UCHL3: variants seen among roughly 807,000 people sequenced by gnomAD.
The protein encoded by UCHL3 is ubiquitin carboxyl-terminal hydrolase isozyme L3.
UCHL3 carries 22 observed loss-of-function variants against 35.8 expected under a neutral mutation model. The observed-to-expected ratio is 0.61, with a 90% CI of 0.44 to 0.88. The LOEUF is 0.88. Ranked by LOEUF, UCHL3 falls within the 40% of genes least tolerant of loss-of-function variation. The probability of loss-of-function intolerance (pLI) is 0.00; values close to 1 mark genes in which losing one functional copy is unlikely to be tolerated. For synonymous variants in UCHL3, 90 were observed against 92.8 expected, an observed-to-expected ratio of 0.97 and a Z score of 0.17; for missense variants, 229 against 276.9, an observed-to-expected ratio of 0.83 and a Z score of 1.23.
chr13:75,599,134 A>ATTTT (rs35853503), intron 7 of UCHL3, among the ~76,000 whole-genome samples: 1 of 127,954 alleles, frequency 7.8e-6, no homozygotes, highest in Admixed American at 8.1e-5. Flanking sequence ...ATGCCTGGCT[A>ATTTT]TTTTTTTTTT....
At chr13:75,559,668 C>G (rs1043501514) in intron 2 of UCHL3, among the ~76,000 whole-genome samples, 1 of 152,154 alleles carries the variant, frequency 6.6e-6, no homozygotes, top group South Asian at 2.1e-4. Context: ...TACATGTGAT[C>G]ATTCTTCAGG....
chr13:75,555,374 T>C (rs1453999518), intron 2 of UCHL3, among the ~76,000 whole-genome samples: 3 of 152,216 alleles, frequency 2.0e-5, no homozygotes, highest in African/African-American at 7.2e-5. Flanking sequence ...TTGTTTATCA[T>C]GTGTATCTTA....
chr13:75,552,207 A>G (rs2138444751), intron 2 of UCHL3, among the ~76,000 whole-genome samples: 1 of 152,338 alleles, frequency 6.6e-6, no homozygotes, highest in Non-Finnish European at 1.5e-5. Flanking sequence ...AAACGGTTAT[A>G]ACTAAAAATT....
intron 6 of UCHL3, among the ~76,000 whole-genome samples, chr13:75,573,777 A>C (rs1312589341): frequency 1.3e-5 from 2 of 152,182 alleles, no homozygotes; most frequent in Non-Finnish European, 2.9e-5. Flanking sequence ...GTTGAAGGTT[A>C]GGGCTTCAAC....
chr13:75,583,233 C>T (rs79798506), intron 6 of UCHL3, among the ~76,000 whole-genome samples: 3,511 of 152,236 alleles, frequency 0.023, 66 homozygotes, highest in Non-Finnish European at 0.039. Flanking sequence ...TAAACAATTA[C>T]AATATATTGA....
At chr13:75,592,426 A>ATG (rs1566227854) in intron 6 of UCHL3, among the ~76,000 whole-genome samples, 35 of 71,322 alleles carry the variant, frequency 4.9e-4, no homozygotes, top group African/African-American at 1.9e-3. Context: ...ATATATATAT[A>ATG]TATATATATA....
intron 6 of UCHL3, among the ~76,000 whole-genome samples, chr13:75,588,519 G>A (rs923590870): frequency 4.6e-5 from 7 of 152,106 alleles, no homozygotes; most frequent in Non-Finnish European, 1.0e-4. Flanking sequence ...ATAGAATCAA[G>A]TATAGGATTC....
intron 6 of UCHL3, among the ~76,000 whole-genome samples, chr13:75,578,022 T>A (rs914716504): frequency 7.2e-5 from 11 of 152,314 alleles, no homozygotes; most frequent in African/African-American, 2.4e-4. Context: ...TTTCTGTTTT[T>A]AAATAAACAT....
chr13:75,598,243 C>T (rs2032694122), intron 7 of UCHL3, among the ~76,000 whole-genome samples: 2 of 152,204 alleles, frequency 1.3e-5, no homozygotes, highest in African/African-American at 2.4e-5. Flanking sequence ...ATTCATATTT[C>T]TGAGCCATTT....
rs1281834318 is a variant in UCHL3, at chr13:75,567,280, G to A, written c.394G>A (p.Glu132Lys). Residue 132 changes from glutamate (E) to lysine (K), a missense_variant, in exon 5 of 9, where the codon GAA (glutamate) becomes AAA (lysine). Transcript: ENST00000377595. ...GGAGGAATCTGTGTCAATGAGCCCT[G>A]AAGAACGAGCCAGATACCTGGAGAA... Reference protein sequence around the residue: ...FLEESVSMSPEERARYLENYD... With the variant: ...FLEESVSMSPKERARYLENYD... 1 of 1,614,148 alleles carries A rather than the reference G, an allele frequency of 6.2e-7. No homozygotes were observed. Among genetic ancestry groups the A allele is most frequent in the East Asian group, 2.2e-5 (1 of 44,870 alleles).
At chr13:75,556,073 A>T (rs1024582395) in intron 2 of UCHL3, among the ~76,000 whole-genome samples, 2 of 152,154 alleles carry the variant, frequency 1.3e-5, no homozygotes, top group Non-Finnish European at 2.9e-5. Flanking sequence ...TATGCCTCCT[A>T]TAGGCATATT....
chr13:75,568,667 GT>G, intron 5 of UCHL3, among the ~76,000 whole-genome samples: 1 of 151,876 alleles, frequency 6.6e-6, no homozygotes, highest in South Asian at 2.1e-4. Context: ...AAATTTAATA[GT>G]TTTTCTTCTT....
chr13:75,550,003 G>A lies in UCHL3; in HGVS notation c.54+16G>A, dbSNP rs2031022181. 12 of 1,614,256 alleles carry A rather than the reference G, an allele frequency of 7.4e-6. No individual in the cohort carries two copies. Among genetic ancestry groups the A allele is most frequent in the Non-Finnish European group, 1.0e-5 (12 of 1,180,044 alleles). On this transcript the variant is annotated intron_variant, in intron 2 of 8. Transcript: ENST00000377595. Reference sequence around the variant, plus strand: ...CACCAACCAGGTGAGTGAGGTGTCTGTCGCTCGGGACCTCGGAGTCTTTTC... The same window carrying A: ...CACCAACCAGGTGAGTGAGGTGTCTATCGCTCGGGACCTCGGAGTCTTTTC...
intron 2 of UCHL3, among the ~76,000 whole-genome samples, chr13:75,551,297 G>A (rs1413624072): frequency 6.6e-6 from 1 of 152,020 alleles, no homozygotes; most frequent in Admixed American, 6.6e-5. Context: ...CGGGCGTGGT[G>A]ATACACTCCT....
chr13:75,561,507 T>C (rs1357991839), intron 3 of UCHL3, among the ~76,000 whole-genome samples: 2 of 151,940 alleles, frequency 1.3e-5, no homozygotes. Flanking sequence ...TTAGAAATTT[T>C]AAGTACTAGA....
intron 6 of UCHL3, among the ~76,000 whole-genome samples, chr13:75,575,621 A>G (rs997893255): frequency 6.6e-6 from 1 of 152,184 alleles, no homozygotes; most frequent in African/African-American, 2.4e-5. Context: ...AGAAGGTTTT[A>G]GTTACTTGCC....
chr13:75,595,099 T>A (rs2032610500), intron 7 of UCHL3, 109 bp downstream of exon 7: 2 of 750,674 alleles, frequency 2.7e-6, no homozygotes, highest in Non-Finnish European at 4.1e-6. Context: ...AATTAACTGG[T>A]TGCCTATAAA....
At chr13:75,554,961 A>G (rs2031242870) in intron 2 of UCHL3, among the ~76,000 whole-genome samples, 1 of 152,130 alleles carries the variant, frequency 6.6e-6, no homozygotes, top group African/African-American at 2.4e-5. Flanking sequence ...ATGTGTTCTC[A>G]TCATTTAGCT....
At chr13:75,563,828 G>A (rs932627681) in intron 3 of UCHL3, among the ~76,000 whole-genome samples, 1 of 151,788 alleles carries the variant, frequency 6.6e-6, no homozygotes, top group African/African-American at 2.4e-5. Flanking sequence ...TTTTCTTTCT[G>A]TGTCTGGCTT....
Sources: allele counts gnomAD v4.1 joint callset (sites outside exome capture counted in the v4.1 genomes callset), GRCh38; gene constraint gnomAD v4.1.1; transcripts MANE v1.5; gene names NCBI Gene and HGNC (gene_info 2026-07-23, HGNC 2026-07-21).